Variants in GABRB3 observed in about 807,000 individuals in gnomAD.
GABRB3 encodes gamma-aminobutyric acid type A receptor subunit beta3, also known as gamma-aminobutyric acid receptor subunit beta-3.
GABRB3 carries 14 observed loss-of-function variants against 52.1 expected under a neutral mutation model. The observed-to-expected ratio is 0.27, with a 90% confidence interval of 0.18 to 0.42. The LOEUF is 0.42. Among genes scored for constraint, GABRB3 ranks in the 10% least tolerant of loss-of-function variants. The pLI, the probability that GABRB3 is intolerant of heterozygous loss-of-function variation, is 1.00. For missense variants in GABRB3, 307 were observed against 609.1 expected (o/e 0.50, Z 5.22); for synonymous variants, 260 against 232.3 (o/e 1.12, Z -1.08).
rs1045728959 is a variant in GABRB3 at position 26,574,983 on chromosome 15, A to C, written c.682+5336T>G. ...ATTCACATCAACTATAAGACATGCTATCTGACCCAAAGTACACTCTCAATA... is the reference window on the plus strand; with the variant it reads ...ATTCACATCAACTATAAGACATGCTCTCTGACCCAAAGTACACTCTCAATA... On this transcript the variant is annotated intron_variant, in intron 6 of 8. Coordinates refer to ENST00000311550, the MANE Select transcript of GABRB3 (RefSeq NM_000814.6). Among the ~76,000 whole-genome samples the C allele has an allele frequency of 3.9e-5, 6 of 152,296 alleles. No homozygotes were observed. In the South Asian group the frequency reaches 1.0e-3, roughly 26 times the overall value.
intron 6 of GABRB3, among the ~76,000 whole-genome samples, chr15:26,570,495 A>G (rs1256400315): frequency 6.6e-6 from 1 of 152,212 alleles, no homozygotes; most frequent in African/African-American, 2.4e-5. Context: ...CCACAGTCAA[A>G]ATCTTCTACG....
At chr15:26,684,173 C>T (rs940828741) in intron 3 of GABRB3, among the ~76,000 whole-genome samples, 8 of 152,110 alleles carry the variant, frequency 5.3e-5, no homozygotes, top group South Asian at 2.1e-4. Flanking sequence ...ATGCTCAGGA[C>T]GTCCCCTGAA....
chr15:26,628,383 G>T (rs1028875063), intron 3 of GABRB3, among the ~76,000 whole-genome samples: 1 of 152,200 alleles, frequency 6.6e-6, no homozygotes. Flanking sequence ...GAGCCCTCAG[G>T]GGCTGCCCAT....
At chr15:26,594,002 AT>A (rs1418975746) in intron 4 of GABRB3, among the ~76,000 whole-genome samples, 222 of 138,938 alleles carry the variant, frequency 1.6e-3, no homozygotes, top group Middle Eastern at 3.6e-3. Flanking sequence ...ATATATATAT[AT>A]AATAGCCATC....
intron 3 of GABRB3, among the ~76,000 whole-genome samples, chr15:26,625,923 A>G (rs1465849789): frequency 1.3e-5 from 2 of 152,190 alleles, no homozygotes; most frequent in South Asian, 2.1e-4. Context: ...AGGCTGCACA[A>G]GAAACTATCT....
intron 3 of GABRB3, among the ~76,000 whole-genome samples, chr15:26,723,796 T>C (rs1889702556): frequency 6.6e-6 from 1 of 152,320 alleles, no homozygotes; most frequent in Admixed American, 6.5e-5. Flanking sequence ...TGATTATCCA[T>C]GAGGCAAACC....
At position 26,547,584 on chromosome 15, in the gene GABRB3, C is replaced by G. The variant is rs560188925; in HGVS notation, c.*209G>C. ...CTTCCATACACATGGGCACTGACTC[C>G]TGTGTGTATAAACATATACACATAC... On this transcript the variant is annotated 3_prime_UTR_variant, in exon 9 of 9. Coordinates refer to ENST00000311550, the MANE Select transcript of GABRB3 (RefSeq NM_000814.6). 1.7e-6 allele frequency: 1 copy of G among 603,678 alleles called. No individual in the cohort carries two copies. The highest frequency in any genetic ancestry group is 1.9e-5 in the African/African-American group (1 of 54,024). 37.4% of individuals were successfully genotyped at this position (603,678 alleles called of 1,614,324 possible). A position where few individuals can be genotyped will look rare whatever the true frequency, so the allele number is the denominator to read the frequency against.
intron 3 of GABRB3, among the ~76,000 whole-genome samples, chr15:26,642,723 G>A (rs1204458783): frequency 6.6e-6 from 1 of 151,534 alleles, no homozygotes; most frequent in Non-Finnish European, 1.5e-5. Context: ...TTTAAATATT[G>A]TGAGTTATTT....
chr15:26,715,787 A>G (rs1039420133), intron 3 of GABRB3, among the ~76,000 whole-genome samples: 1 of 152,148 alleles, frequency 6.6e-6, no homozygotes, highest in African/African-American at 2.4e-5. Context: ...TGTGTGCAAA[A>G]TCCATTCTTT....
chr15:26,554,040 T>TA (rs1491472680), intron 8 of GABRB3, among the ~76,000 whole-genome samples: 1,518 of 44,298 alleles, frequency 0.034, 185 homozygotes, highest in African/African-American at 0.1. Context: ...TATATATTTA[T>TA]TTATTTATAT....
intron 4 of GABRB3, among the ~76,000 whole-genome samples, chr15:26,607,689 T>C (rs889740899): frequency 9.2e-5 from 14 of 151,994 alleles, no homozygotes; most frequent in African/African-American, 3.1e-4. Flanking sequence ...CACTAAACTA[T>C]CTGAAAAAAA....
intron 3 of GABRB3, among the ~76,000 whole-genome samples, chr15:26,716,412 A>T (rs1321213796): frequency 6.6e-6 from 1 of 152,214 alleles, no homozygotes; most frequent in Non-Finnish European, 1.5e-5. Flanking sequence ...ACCACAGCAC[A>T]TTCGAGTCCC....
intron 8 of GABRB3, among the ~76,000 whole-genome samples, chr15:26,551,388 T>G (rs1401632711): frequency 6.6e-6 from 1 of 152,172 alleles, no homozygotes; most frequent in African/African-American, 2.4e-5. Context: ...TGGAAATGCC[T>G]GAAGCCCGTG....
chr15:26,733,003 G>A (rs201365823), intron 3 of GABRB3, among the ~76,000 whole-genome samples: 1 of 146,734 alleles, frequency 6.8e-6, no homozygotes. Context: ...GTCTCTAATA[G>A]AAAAAAAAAA....
At chr15:26,740,716 G>C (rs535060713) in intron 3 of GABRB3, among the ~76,000 whole-genome samples, 4 of 152,280 alleles carry the variant, frequency 2.6e-5, no homozygotes, top group Admixed American at 2.0e-4. Context: ...CACATTCACA[G>C]TATCAGGCAA....
intron 3 of GABRB3, among the ~76,000 whole-genome samples, chr15:26,655,519 G>A (rs1317488179): frequency 6.6e-6 from 1 of 152,086 alleles, no homozygotes. Context: ...AAGGCAGGCG[G>A]ATCACGAGGT....
chr15:26,739,832 C>T (rs1189439419), intron 3 of GABRB3, among the ~76,000 whole-genome samples: 4 of 152,036 alleles, frequency 2.6e-5, no homozygotes, highest in Non-Finnish European at 5.9e-5. Context: ...TTCCTTTATG[C>T]TAGGAAAAGA....
intron 6 of GABRB3, among the ~76,000 whole-genome samples, chr15:26,569,569 T>C (rs1347367022): frequency 2.6e-5 from 4 of 152,260 alleles, no homozygotes; most frequent in Non-Finnish European, 5.9e-5. Flanking sequence ...TTTATAAAAC[T>C]ATAAATAGTA....
intron 3 of GABRB3, among the ~76,000 whole-genome samples, chr15:26,707,299 C>T (rs945454648): frequency 3.8e-4 from 58 of 152,228 alleles, no homozygotes; most frequent in African/African-American, 1.4e-3. Flanking sequence ...AAAGGAATAT[C>T]GTGTCAGCAC....
Sources: gnomAD v4.1 joint callset for allele counts (sites outside exome capture counted in the v4.1 genomes callset) on GRCh38, gnomAD v4.1.1 for gene constraint, MANE v1.5 for transcripts, NCBI Gene and HGNC (gene_info 2026-07-23, HGNC 2026-07-21) for gene names.